Variants in PLEKHA4 observed in about 807,000 individuals in gnomAD.
PLEKHA4 encodes the protein pleckstrin homology domain-containing family A member 4.
A neutral mutation model predicts 94.7 loss-of-function variants in PLEKHA4; 73 were observed. The observed-to-expected ratio is 0.77, with a 90% CI of 0.64 to 0.94. The LOEUF (loss-of-function observed/expected upper bound fraction) is 0.94. Ranked by LOEUF, PLEKHA4 falls within the 40% of genes least tolerant of loss-of-function variation. The pLI is 0.00. For missense variants in PLEKHA4, 1,049 were observed against 1,054.1 expected (o/e 1.00, Z 0.07); for synonymous variants, 449 against 437.1 (o/e 1.03, Z -0.34).
At chr19:48,855,603 CAAATAAAT>C (rs35146886) in intron 9 of PLEKHA4, among the ~76,000 whole-genome samples, 61 of 142,874 alleles carry the variant, frequency 4.3e-4, no homozygotes, top group South Asian at 1.4e-3. Flanking sequence ...GATTTCGTCT[CAAATAAAT>C]AAATAAATAA....
At position 48,852,343 on chromosome 19, in the gene PLEKHA4, G is replaced by T. The variant is rs138349594; in HGVS notation, c.1327-17C>A. On this transcript the variant is annotated splice_polypyrimidine_tract_variant and intron_variant, in intron 12 of 19. Transcript: ENST00000263265. Reference sequence around the variant, plus strand: ...CTCTCGCTCCTCAGGTTGCATAAAGGGGGAGACATAGGTTAGGTCCCTCTC... The same window carrying T: ...CTCTCGCTCCTCAGGTTGCATAAAGTGGGAGACATAGGTTAGGTCCCTCTC... 5.6e-6 allele frequency: 9 copies of T among 1,598,604 alleles called. No individual in the cohort carries two copies. Among genetic ancestry groups the T allele is most frequent in the Middle Eastern group, 3.3e-4 (2 of 6,048 alleles).
At chr19:48,860,011 T>C (rs993338837) in intron 6 of PLEKHA4, 12 of 556,904 alleles carry the variant, frequency 2.2e-5, no homozygotes, top group Non-Finnish European at 3.8e-5. Context: ...AATCTGATAC[T>C]ATCTTTTACC....
chr19:48,849,334 A>G (rs1302318557), intron 13 of PLEKHA4, among the ~76,000 whole-genome samples: 1 of 150,622 alleles, frequency 6.6e-6, no homozygotes, highest in Non-Finnish European at 1.5e-5. Flanking sequence ...TTTAAGATGG[A>G]GTCTCTCCCT....
chr19:48,847,997 G>A lies in PLEKHA4; in HGVS notation c.1469C>T (p.Thr490Met), dbSNP rs1472104689. 18 of 1,613,380 alleles carry A rather than the reference G, an allele frequency of 1.1e-5. No individual in the cohort carries two copies. The highest frequency in any genetic ancestry group is 1.7e-5 in the Admixed American group (1 of 59,934). Reference protein sequence around the residue: ...AQQQLWMVEDTLAGLGGPQKP... With the variant: ...AQQQLWMVEDMLAGLGGPQKP... ...CTGGGGGCCACCCAGACCTGCCAGC[G>A]TGTCTTCCACCATCCACAGCTGCTG... The change falls in exon 14 of 20, where the codon ACG (threonine) becomes ATG (methionine). Residue 490 changes from threonine (T) to methionine (M), a missense_variant. Coordinates refer to ENST00000263265, the MANE Select transcript of PLEKHA4 (RefSeq NM_020904.3).
At chr19:48,861,522 C>G in intron 4 of PLEKHA4, 21 bp from the exon 5 acceptor site, 1 of 1,613,416 alleles carries the variant, frequency 6.2e-7, no homozygotes. Context: ...GGGCTGGGGT[C>G]AAGGATCACA....
intron 3 of PLEKHA4, among the ~76,000 whole-genome samples, chr19:48,862,052 G>A (rs978264634): frequency 2.0e-5 from 3 of 152,066 alleles, no homozygotes; most frequent in Admixed American, 6.6e-5. Flanking sequence ...ACTTGAGCCT[G>A]GGAGTGGGGT....
At chr19:48,844,408 G>T in intron 16 of PLEKHA4, 1 of 955,994 alleles carries the variant, frequency 1.0e-6, no homozygotes, top group Non-Finnish European at 1.2e-6. Context: ...GCCTGCCTCG[G>T]CCTCCCAAAG....
chr19:48,861,837 G>C, intron 3 of PLEKHA4, 145 bp from the exon 4 acceptor site: 1 of 769,820 alleles, frequency 1.3e-6, no homozygotes, highest in Non-Finnish European at 2.2e-6. Flanking sequence ...TCAAGAGAGT[G>C]GGGTGAGGCC....
At chr19:48,860,806 GGAGAGAAAGAAA>G (rs778932701) in intron 5 of PLEKHA4, among the ~76,000 whole-genome samples, 7 of 147,646 alleles carry the variant, frequency 4.7e-5, no homozygotes, top group Non-Finnish European at 7.5e-5. Flanking sequence ...GGAAGGGAAG[GGAGAGAAAGAAA>G]GAGAGAAAGA....
At chr19:48,854,410 C>A in intron 9 of PLEKHA4, 146 bp from the exon 10 acceptor site, 1 of 744,560 alleles carries the variant, frequency 1.3e-6, no homozygotes, top group East Asian at 2.7e-5. Context: ...GCTCTGTCAC[C>A]CAAGCTGGTG....
At chr19:48,848,750 T>C (rs1182099242) in intron 13 of PLEKHA4, among the ~76,000 whole-genome samples, 1 of 149,838 alleles carries the variant, frequency 6.7e-6, no homozygotes, top group East Asian at 2.0e-4. Flanking sequence ...TGAGCTGAGA[T>C]CGTGCCACTG....
chr19:48,846,960 CA>C (rs1452540976), intron 14 of PLEKHA4, among the ~76,000 whole-genome samples: 1 of 152,146 alleles, frequency 6.6e-6, no homozygotes, highest in Non-Finnish European at 1.5e-5. Flanking sequence ...CAGCTTACTG[CA>C]ACCTCTGCCT....
rs774683139 is a variant in PLEKHA4 at position 48,845,428 on chromosome 19, A to G, written c.1685T>C (p.Val562Ala). ...SPHLGLGSPR[V>A]SRASSPEGRH... is the part of the protein sequence containing the mutation. ...ACCCTCAGGGCTGGAAGCCCGGGAG[A>G]CCCTCGGAGACCCAAGACCTGGAAA... is the stretch of plus-strand genomic sequence containing the variant. Residue 562 changes from valine to alanine, a missense_variant, in exon 16 of 20, where the codon GTC becomes GCC. Val to Ala is a moderately conservative substitution (Grantham distance 64). Transcript: ENST00000263265. The G allele has an allele frequency of 2.5e-6, 4 of 1,613,720 alleles. No homozygotes were observed. The highest frequency in any genetic ancestry group is 8.5e-7 in the Non-Finnish European group (1 of 1,180,008).
At chr19:48,852,156 A>G (rs1319299479) in intron 13 of PLEKHA4, 72 bp downstream of exon 13, 2 of 1,214,798 alleles carry the variant, frequency 1.6e-6, no homozygotes, top group Admixed American at 1.7e-5. Flanking sequence ...GGCGAAGATT[A>G]AATGCTAAAA....
chr19:48,862,765 G>A (rs555278156), intron 3 of PLEKHA4, among the ~76,000 whole-genome samples: 2 of 152,118 alleles, frequency 1.3e-5, no homozygotes, highest in African/African-American at 4.8e-5. Context: ...TGCCTGCCTC[G>A]GCCTCCCAAA....
At chr19:48,864,252 T>C (rs1184637721) in intron 3 of PLEKHA4, among the ~76,000 whole-genome samples, 1 of 149,594 alleles carries the variant, frequency 6.7e-6, no homozygotes, top group Non-Finnish European at 1.5e-5. Context: ...CACTGCAACC[T>C]CCACCTCCCA....
intron 9 of PLEKHA4, among the ~76,000 whole-genome samples, 192 bp downstream of exon 9, chr19:48,857,230 C>T (rs999195206): frequency 3.9e-5 from 6 of 152,146 alleles, no homozygotes; most frequent in East Asian, 1.9e-4. Flanking sequence ...CCTCCAGAAC[C>T]GCAAGATAAT....
chr19:48,857,552 T>C, intron 8 of PLEKHA4, 56 bp from the exon 9 acceptor site: 5 of 992,484 alleles, frequency 5.0e-6, no homozygotes, highest in South Asian at 1.4e-5. Context: ...GGGAGACTTT[T>C]CATTTTGTTC....
At chr19:48,853,876 G>A in intron 11 of PLEKHA4, 45 bp from the exon 12 acceptor site, 4 of 1,587,122 alleles carry the variant, frequency 2.5e-6, no homozygotes, top group Non-Finnish European at 3.4e-6. Flanking sequence ...GCCATGCCTA[G>A]CCCCAAGAAG....
Sources: allele counts gnomAD v4.1 joint callset (sites outside exome capture counted in the v4.1 genomes callset), GRCh38; gene constraint gnomAD v4.1.1; transcripts MANE v1.5; gene names NCBI Gene and HGNC (gene_info 2026-07-23, HGNC 2026-07-21).